Variants in PEX5L observed in about 807,000 individuals in gnomAD.
PEX5L encodes the protein peroxisomal biogenesis factor 5 like, also known as PEX5-related protein.
PEX5L carries 30 observed loss-of-function variants against 84.0 expected under a neutral mutation model. The observed-to-expected ratio is 0.36, with a 90% CI of 0.27 to 0.48. PEX5L has a LOEUF of 0.48. Among genes scored for constraint, PEX5L ranks in the 20% least tolerant of loss-of-function variants. The probability of loss-of-function intolerance (pLI) is 0.99; values close to 1 mark genes in which losing one functional copy is unlikely to be tolerated. For missense variants in PEX5L, 533 were observed against 754.6 expected, an observed-to-expected ratio of 0.71 and a Z score of 3.44; for synonymous variants, 270 against 283.1, an observed-to-expected ratio of 0.95 and a Z score of 0.46.
chr3:180,015,274 A>G (rs747897565), intron 1 of PEX5L, among the ~76,000 whole-genome samples: 1 of 152,308 alleles, frequency 6.6e-6, no homozygotes, highest in Middle Eastern at 3.4e-3. Flanking sequence ...TTTTTAAATA[A>G]TATTGTATAC....
In PEX5L at chr3:179,879,924, C is replaced by T; in HGVS notation, c.505+5G>A. The stretch of plus-strand genomic sequence containing the variant: ...AGCATCCATAGCCGCAAGCGATTGC[C>T]TTACCTAGATCTAAGGATGAAGTCT... On this transcript the variant is annotated splice_donor_5th_base_variant and intron_variant, in intron 5 of 14. Transcript: ENST00000467460. The T allele has an allele frequency of 6.4e-7, 1 of 1,564,382 alleles. No homozygotes were observed. Among genetic ancestry groups the T allele is most frequent in the East Asian group, 2.3e-5 (1 of 44,302 alleles).
At chr3:179,951,973 C>A (rs756607763) in intron 2 of PEX5L, among the ~76,000 whole-genome samples, 31 of 152,324 alleles carry the variant, frequency 2.0e-4, no homozygotes, top group Admixed American at 1.3e-3. Flanking sequence ...GTGGAATAGA[C>A]CTTTATCAAT....
At chr3:179,802,548 AAAAAAAG>A (rs1437837249) in intron 14 of PEX5L, among the ~76,000 whole-genome samples, 127 of 146,222 alleles carry the variant, frequency 8.7e-4, no homozygotes, top group African/African-American at 3.3e-3. Flanking sequence ...AAAAAAAAAA[AAAAAAAG>A]AAAAGAAAAG....
Position 180,036,852 on chromosome 3 carries a change from G to T in PEX5L, c.-253C>A. On this transcript the variant is annotated 5_prime_UTR_variant, in exon 1 of 15. Coordinates refer to ENST00000467460, the MANE Select transcript of PEX5L (RefSeq NM_016559.3). ...CGCAGAGAAGGCGAGGAGCCGGGTC[G>T]GCCAGGCTCTCCTGCAGGCGCGGGT... 1.8e-6 allele frequency: 1 copy of T among 559,856 alleles called. No individual in the cohort carries two copies. Among genetic ancestry groups the T allele is most frequent in the Non-Finnish European group, 3.2e-6 (1 of 310,038 alleles). The allele number at this position is 559,856 out of a possible 1,614,324, so 34.7% of individuals were successfully genotyped here. A position where few individuals can be genotyped will look rare whatever the true frequency, so the allele number is the denominator to read the frequency against.
At chr3:179,971,046 G>A (rs1184555620) in intron 2 of PEX5L, among the ~76,000 whole-genome samples, 1 of 152,076 alleles carries the variant, frequency 6.6e-6, no homozygotes, top group Non-Finnish European at 1.5e-5. Context: ...ATCCAAGCTA[G>A]TGGTTTCTCA....
intron 2 of PEX5L, among the ~76,000 whole-genome samples, chr3:179,898,785 T>C (rs1401883472): frequency 6.6e-6 from 1 of 152,112 alleles, no homozygotes; most frequent in Non-Finnish European, 1.5e-5. Flanking sequence ...GACATAACAG[T>C]AATTCACCCA....
intron 3 of PEX5L, 146 bp downstream of exon 3, chr3:179,897,996 A>T: frequency 2.2e-6 from 1 of 461,286 alleles, no homozygotes; most frequent in Non-Finnish European, 3.8e-6. Flanking sequence ...TTTGGTTTTC[A>T]TCTATATTTG....
At chr3:179,960,926 G>T (rs1343821791) in intron 2 of PEX5L, among the ~76,000 whole-genome samples, 1 of 152,106 alleles carries the variant, frequency 6.6e-6, no homozygotes, top group East Asian at 1.9e-4. Context: ...TTGACTGGAA[G>T]AAAACAACTT....
At chr3:179,811,733 A>T (rs777252782) in intron 11 of PEX5L, 68 bp downstream of exon 11, 13 of 1,161,472 alleles carry the variant, frequency 1.1e-5, no homozygotes, top group Non-Finnish European at 1.6e-5. Flanking sequence ...TCAAAAGACA[A>T]ATCTGAAACA....
chr3:179,868,042 C>CT (rs71628101), intron 7 of PEX5L, among the ~76,000 whole-genome samples: 27,460 of 116,358 alleles, frequency 0.24, 4,024 homozygotes, highest in Non-Finnish European at 0.3. Context: ...TCTTCTTCTT[C>CT]TTTTTTTTTT....
intron 9 of PEX5L, 125 bp downstream of exon 9, chr3:179,819,735 G>T: frequency 3.5e-6 from 3 of 854,314 alleles, no homozygotes; most frequent in Non-Finnish European, 5.6e-6. Context: ...TTCTAGGTCA[G>T]ATTGACATTA....
At position 179,807,658 on chromosome 3, in the gene PEX5L, T is replaced by G; in HGVS notation, c.1676+16A>C. 1.2e-6 allele frequency: 2 copies of G among 1,611,788 alleles called. No homozygotes were observed. The highest frequency in any genetic ancestry group is 1.7e-6 in the Non-Finnish European group (2 of 1,178,278). ...CTGGGCATGGCCTTCATCCTTGGCC[T>G]GTTGCTGTACTTCACCTGTAGGCGC... On this transcript the variant is annotated intron_variant, in intron 14 of 14. Transcript: ENST00000467460.
intron 8 of PEX5L, among the ~76,000 whole-genome samples, chr3:179,821,102 C>T (rs1271260933): frequency 3.3e-5 from 5 of 152,110 alleles, no homozygotes; most frequent in African/African-American, 1.2e-4. Flanking sequence ...CAGCCAGAAG[C>T]GGCGGGGCGG....
At position 179,808,381 on chromosome 3, in the gene PEX5L, T is replaced by A. The variant is rs146752960; in HGVS notation, c.1409A>T (p.Asp470Val). 29 of 1,588,532 alleles carry A rather than the reference T, an allele frequency of 1.8e-5. No individual in the cohort carries two copies. The highest frequency in any genetic ancestry group is 2.5e-5 in the Non-Finnish European group (29 of 1,168,964). The stretch of plus-strand genomic sequence containing the variant: ...TGTCTGCAGGTCTGGGTCGATCATA[T>A]CTCCATTTTGGTGGGCAGCTTCCAG... ...LYLEAAHQNGDMIDPDLQTGL... is the reference protein window; with the variant it reads ...LYLEAAHQNGVMIDPDLQTGL... Residue 470 changes from aspartate to valine, a missense_variant, in exon 13 of 15, where the codon GAT becomes GTT. Around this residue, in one of 8 missense-constraint regions of PEX5L, gnomAD observed 105 missense variants for 204.6 expected, o/e 0.51. Transcript: ENST00000467460.
At chr3:179,955,869 T>C (rs1398318229) in intron 2 of PEX5L, among the ~76,000 whole-genome samples, 4 of 152,154 alleles carry the variant, frequency 2.6e-5, no homozygotes. Flanking sequence ...ATGCCATACT[T>C]TACCCCCTCC....
intron 9 of PEX5L, among the ~76,000 whole-genome samples, chr3:179,816,339 A>G (rs1726076454): frequency 6.6e-6 from 1 of 152,230 alleles, no homozygotes; most frequent in Admixed American, 6.5e-5. Flanking sequence ...GAACCAAACC[A>G]AATGCCCATC....
intron 8 of PEX5L, among the ~76,000 whole-genome samples, chr3:179,829,647 G>GGAAT (rs1323447871): frequency 6.6e-6 from 1 of 152,126 alleles, no homozygotes; most frequent in Non-Finnish European, 1.5e-5. Context: ...CTTATGTCTA[G>GGAAT]GAATGAACGG....
intron 8 of PEX5L, among the ~76,000 whole-genome samples, chr3:179,855,729 AC>A (rs1384062388): frequency 6.6e-6 from 1 of 152,162 alleles, no homozygotes; most frequent in Non-Finnish European, 1.5e-5. Context: ...TAGTGCCCTT[AC>A]ACAAGAGGCC....
chr3:179,806,159 A>G (rs1721222149), intron 14 of PEX5L, among the ~76,000 whole-genome samples: 1 of 152,078 alleles, frequency 6.6e-6, no homozygotes, highest in Non-Finnish European at 1.5e-5. Flanking sequence ...CTCATAAAAT[A>G]CATATACACA....
Sources: allele counts gnomAD v4.1 joint callset (sites outside exome capture counted in the v4.1 genomes callset), GRCh38; gene constraint gnomAD v4.1.1; regional missense constraint gnomAD v4.1.1; transcripts MANE v1.5; gene names NCBI Gene and HGNC (gene_info 2026-07-23, HGNC 2026-07-21).